Variants in ZFAND3 observed in about 807,000 individuals in gnomAD.
The protein encoded by ZFAND3 is zinc finger AN1-type containing 3.
A neutral mutation model predicts 29.6 loss-of-function variants in ZFAND3; 10 were observed. That is an observed-to-expected ratio of 0.34 (90% CI 0.21 to 0.57). The LOEUF (loss-of-function observed/expected upper bound fraction) is 0.57. Ranked by LOEUF, ZFAND3 falls within the 20% of genes least tolerant of loss-of-function variation. ZFAND3 has a pLI of 0.86. For synonymous variants in ZFAND3, 128 were observed against 112.6 expected (o/e 1.14, Z -0.87); for missense variants, 230 against 304.5 (o/e 0.76, Z 1.82).
chr6:37,827,866 T>A (rs1763788368), intron 1 of ZFAND3, among the ~76,000 whole-genome samples: 1 of 152,242 alleles, frequency 6.6e-6, no homozygotes, highest in Admixed American at 6.5e-5. Context: ...TTGCTACCGC[T>A]CTGGCCTTGG....
chr6:37,877,611 C>G (rs966784539), intron 1 of ZFAND3, among the ~76,000 whole-genome samples: 2 of 152,176 alleles, frequency 1.3e-5, no homozygotes, highest in African/African-American at 2.4e-5. Flanking sequence ...GATGGTTTCA[C>G]TTACTGAGGT....
intron 1 of ZFAND3, among the ~76,000 whole-genome samples, chr6:37,923,274 T>G (rs1761417960): frequency 6.6e-6 from 1 of 152,188 alleles, no homozygotes; most frequent in South Asian, 2.1e-4. Context: ...AAATATTTTA[T>G]TTTTTGCTTT....
chr6:37,896,540 TTC>T (rs1337057603), intron 1 of ZFAND3, among the ~76,000 whole-genome samples: 1 of 125,994 alleles, frequency 7.9e-6, no homozygotes, highest in Non-Finnish European at 1.6e-5. Flanking sequence ...CTTTCTTTCT[TTC>T]TTTCTTTCTT....
rs187531214 is a variant in ZFAND3, at chr6:37,939,125, T to G, written c.112+9126T>G. ...CTCATTGGTATCTGTATTAGTTTCC[T>G]AGGGTTGCCACAACAAATTGCCATA... On this transcript the variant is annotated intron_variant, in intron 2 of 5. Coordinates refer to ENST00000287218, the MANE Select transcript of ZFAND3 (RefSeq NM_021943.3). Among the ~76,000 whole-genome samples, 515 of 152,312 alleles carry G rather than the reference T, an allele frequency of 3.4e-3. 1 individual carries two copies. The highest frequency in any genetic ancestry group is 6.8e-3 in the Middle Eastern group (2 of 294).
In ZFAND3 at chr6:38,024,025, G is replaced by A. The variant is rs534838888; in HGVS notation, c.113-37568G>A. 2.0e-4 allele frequency among the ~76,000 whole-genome samples: 30 copies of A among 151,496 alleles called. No homozygotes were observed. In the South Asian group the frequency reaches 4.4e-3, roughly 22 times the overall value. ...AACCTGAACAAAACAGTGAGATACC[G>A]TCTCTTTAAATCAAACAAACGAGAC... On this transcript the variant is annotated intron_variant, in intron 2 of 5. Transcript: ENST00000287218.
chr6:37,915,400 C>G (rs1761228377), intron 1 of ZFAND3, among the ~76,000 whole-genome samples: 1 of 152,246 alleles, frequency 6.6e-6, no homozygotes, highest in Non-Finnish European at 1.5e-5. Context: ...AGAGGCCTAG[C>G]TTTAGGCCTA....
chr6:38,133,275 C>T (rs370905493), intron 5 of ZFAND3, among the ~76,000 whole-genome samples: 2 of 152,180 alleles, frequency 1.3e-5, no homozygotes, highest in African/African-American at 4.8e-5. Flanking sequence ...CTGCAGTTCT[C>T]GGCTCTTACT....
chr6:38,065,865 T>C (rs990965263), intron 3 of ZFAND3, among the ~76,000 whole-genome samples: 6 of 152,274 alleles, frequency 3.9e-5, no homozygotes, highest in Admixed American at 3.9e-4. Context: ...CAGTGGTTTG[T>C]ATATTCATTT....
At chr6:38,039,609 G>GT (rs1194506813) in intron 2 of ZFAND3, among the ~76,000 whole-genome samples, 11 of 152,136 alleles carry the variant, frequency 7.2e-5, no homozygotes, top group Admixed American at 3.3e-4. Flanking sequence ...GCTAGTTATA[G>GT]TGTAAGACAT....
chr6:37,987,210 G>T (rs1303400166), intron 2 of ZFAND3, among the ~76,000 whole-genome samples: 2 of 152,176 alleles, frequency 1.3e-5, no homozygotes, highest in African/African-American at 4.8e-5. Flanking sequence ...CTCTCAGCAT[G>T]AGAGAAATTC....
At chr6:37,841,734 C>T (rs762334310) in intron 1 of ZFAND3, among the ~76,000 whole-genome samples, 10 of 152,138 alleles carry the variant, frequency 6.6e-5, no homozygotes, top group Admixed American at 1.3e-4. Flanking sequence ...CCACCAGCCT[C>T]GGCCCCCCAA....
intron 5 of ZFAND3, chr6:38,142,957 G>C (rs1765994400): frequency 1.3e-5 from 2 of 152,666 alleles, no homozygotes; most frequent in African/African-American, 4.8e-5. Flanking sequence ...CTCCTTGTGG[G>C]CTGGGCATTG....
chr6:37,891,593 T>TC lies in ZFAND3; in HGVS notation c.72-38366_72-38365insC, dbSNP rs1554153128. On this transcript the variant is annotated intron_variant, in intron 1 of 5. Coordinates refer to ENST00000287218, the MANE Select transcript of ZFAND3 (RefSeq NM_021943.3). Reference sequence around the variant, plus strand: ...CTCCAGCCTGGGCTAAATAAATAAATAATAAATAAATAAATAAATCATAGA... The same window carrying TC: ...CTCCAGCCTGGGCTAAATAAATAAATCAATAAATAAATAAATAAATCATAGA... 3.2e-3 allele frequency among the ~76,000 whole-genome samples: 422 copies of TC among 131,128 alleles called. 2 individuals carry two copies. The highest frequency in any genetic ancestry group is 0.011 in the African/African-American group (400 of 36,868). The allele number at this position is 131,128 out of a possible 152,430, so 86.0% of individuals were successfully genotyped here.
chr6:37,968,618 C>T (rs528672912), intron 2 of ZFAND3, among the ~76,000 whole-genome samples: 2 of 152,236 alleles, frequency 1.3e-5, no homozygotes, highest in African/African-American at 4.8e-5. Flanking sequence ...AGGGTTGGCA[C>T]ACTCATTCCC....
rs201282071 is a variant in ZFAND3 at position 37,982,758 on chromosome 6, A to G, written c.112+52759A>G. Among the ~76,000 whole-genome samples, 4 of 152,304 alleles carry G rather than the reference A, an allele frequency of 2.6e-5. No individual in the cohort carries two copies. In the East Asian group the frequency reaches 7.7e-4, roughly 29 times the overall value. ...ATGGTATTTATTTTTTTAAAAAGTTAACTGTAAAGTAGCCTCAGGCAACTC... is the reference window on the plus strand; with the variant it reads ...ATGGTATTTATTTTTTTAAAAAGTTGACTGTAAAGTAGCCTCAGGCAACTC... On this transcript the variant is annotated intron_variant, in intron 2 of 5. Coordinates refer to ENST00000287218, the MANE Select transcript of ZFAND3 (RefSeq NM_021943.3).
intron 3 of ZFAND3, among the ~76,000 whole-genome samples, chr6:38,079,634 G>A (rs1472878131): frequency 2.0e-5 from 3 of 152,066 alleles, no homozygotes; most frequent in African/African-American, 7.2e-5. Context: ...ATTATTTTAT[G>A]TGCTTTAAAA....
rs947317462 is a variant in ZFAND3 at position 38,099,411 on chromosome 6, A to G, written c.361+16954A>G. Among the ~76,000 whole-genome samples, 4 of 152,204 alleles carry G rather than the reference A, an allele frequency of 2.6e-5. No individual in the cohort carries two copies. The South Asian group carries it at 8.3e-4, about 31-fold the overall frequency. ...GTGCATACACATACTCTGCCATAAAAGCTTATTTGGCCTTATGCACCCCGT... is the reference window on the plus strand; with the variant it reads ...GTGCATACACATACTCTGCCATAAAGGCTTATTTGGCCTTATGCACCCCGT... On this transcript the variant is annotated intron_variant, in intron 4 of 5. Transcript: ENST00000287218.
chr6:37,838,466 A>G (rs1201818310), intron 1 of ZFAND3, among the ~76,000 whole-genome samples: 1 of 152,208 alleles, frequency 6.6e-6, no homozygotes, highest in Admixed American at 6.5e-5. Flanking sequence ...TCATAAAGAA[A>G]TCTCATATCC....
At chr6:37,916,256 G>C (rs932952037) in intron 1 of ZFAND3, among the ~76,000 whole-genome samples, 10 of 152,142 alleles carry the variant, frequency 6.6e-5, no homozygotes, top group African/African-American at 2.4e-4. Flanking sequence ...CAGATATGAA[G>C]TAAGCACGTG....
Sources: gnomAD v4.1 joint callset for allele counts (sites outside exome capture counted in the v4.1 genomes callset) on GRCh38, gnomAD v4.1.1 for gene constraint, MANE v1.5 for transcripts, NCBI Gene and HGNC (gene_info 2026-07-23, HGNC 2026-07-21) for gene names.